The following RPS4Y1 variants were observed in gnomAD, a reference collection of about 807,000 sequenced individuals.
RPS4Y1 encodes the protein small ribosomal subunit protein eS4, Y isoform 1.
For synonymous variants in RPS4Y1, 23 were observed against 20.8 expected (o/e 1.10, Z -0.28); for missense variants, 30 against 60.9 (o/e 0.49, Z 1.69).
At chrY:2,864,325 CAGGGCTTTATTCT>C (rs2051165596) in intron 5 of RPS4Y1, among the ~76,000 whole-genome samples, 1 of 32,571 alleles carries the variant, frequency 3.1e-5, no homozygotes, top group South Asian at 6.9e-4. Flanking sequence ...AGTATTAAGA[CAGGGCTTTATTCT>C]CTGGCTTTGG....
At chrY:2,856,417 G>A in intron 5 of RPS4Y1, among the ~76,000 whole-genome samples, 2 of 33,794 alleles carry the variant, frequency 5.9e-5, no homozygotes, top group Admixed American at 2.6e-4. Context: ...AATTACAGGC[G>A]TGAGCCACCG....
chrY:2,848,621 T>C (rs2051154194), intron 4 of RPS4Y1, among the ~76,000 whole-genome samples: 2 of 33,373 alleles, frequency 6.0e-5, no homozygotes, highest in Admixed American at 5.4e-4. Context: ...GCAGGCATGT[T>C]GTAGTAGGTG....
chrY:2,845,793 G>T, intron 4 of RPS4Y1, 50 bp downstream of exon 4: 1 of 266,287 alleles, frequency 3.8e-6, no homozygotes, highest in Non-Finnish European at 6.1e-6. Context: ...CAGATAGGTC[G>T]GTTGCTAAGT....
intron 6 of RPS4Y1, among the ~76,000 whole-genome samples, chrY:2,865,916 C>T: frequency 6.0e-5 from 2 of 33,148 alleles, no homozygotes; most frequent in East Asian, 1.6e-3. Context: ...GAATTTTGCT[C>T]TGTTGCCCAG....
intron 5 of RPS4Y1, among the ~76,000 whole-genome samples, chrY:2,860,054 T>TA (rs2051162568): frequency 3.0e-5 from 1 of 33,082 alleles, no homozygotes; most frequent in African/African-American, 1.2e-4. Flanking sequence ...TTTCATGACT[T>TA]ACTTTCCAGT....
chrY:2,861,539 G>T, intron 5 of RPS4Y1, among the ~76,000 whole-genome samples: 1 of 29,534 alleles, frequency 3.4e-5, no homozygotes, highest in African/African-American at 1.3e-4. Flanking sequence ...CCTGTCTGTG[G>T]TACTATGGCC....
intron 4 of RPS4Y1, chrY:2,854,232 A>G (rs1603309117): frequency 8.8e-5 from 5 of 56,572 alleles, no homozygotes; most frequent in South Asian, 1.6e-4. Context: ...AGGACTATCA[A>G]TTGGAAATAT....
chrY:2,864,948 G>A, intron 5 of RPS4Y1, 140 bp from the exon 6 acceptor site: 1 of 162,575 alleles, frequency 6.2e-6, no homozygotes, highest in Non-Finnish European at 1.1e-5. Flanking sequence ...AGTGACAAGA[G>A]TTCTTGAAAT....
chrY:2,852,084 A>G, intron 4 of RPS4Y1, among the ~76,000 whole-genome samples: 1 of 33,226 alleles, frequency 3.0e-5, no homozygotes, highest in South Asian at 6.7e-4. Flanking sequence ...TTCTGCCACC[A>G]TTCACTCCCT....
intron 5 of RPS4Y1, among the ~76,000 whole-genome samples, chrY:2,857,491 C>A: frequency 5.9e-5 from 2 of 34,012 alleles, no homozygotes; most frequent in Admixed American, 2.6e-4. Flanking sequence ...TCTCCGCTCA[C>A]TGCAACCTCC....
intron 4 of RPS4Y1, among the ~76,000 whole-genome samples, chrY:2,853,691 GGTAA>G (rs2051157672): frequency 8.9e-5 from 3 of 33,717 alleles, no homozygotes; most frequent in African/African-American, 2.3e-4. Flanking sequence ...ACACCAGAGT[GGTAA>G]GTGTTAAACA....
chrY:2,866,139 C>G (rs747196495), intron 6 of RPS4Y1, among the ~76,000 whole-genome samples: 1 of 34,156 alleles, frequency 2.9e-5, no homozygotes, highest in Non-Finnish European at 7.3e-5. Flanking sequence ...AACTTGGCCT[C>G]CCAAAGTGCA....
chrY:2,857,962 C>T, intron 5 of RPS4Y1, among the ~76,000 whole-genome samples: 4 of 33,691 alleles, frequency 1.2e-4, no homozygotes, highest in African/African-American at 4.6e-4. Flanking sequence ...AACCATTGTG[C>T]GGTTTTTTTA....
At chrY:2,859,131 A>G in intron 5 of RPS4Y1, among the ~76,000 whole-genome samples, 4 of 33,243 alleles carry the variant, frequency 1.2e-4, no homozygotes, top group African/African-American at 2.4e-4. Flanking sequence ...TCAGCACTTC[A>G]CTTTCAGCCT....
chrY:2,860,273 A>G (rs2051162716), intron 5 of RPS4Y1, among the ~76,000 whole-genome samples: 1 of 32,928 alleles, frequency 3.0e-5, no homozygotes, highest in Non-Finnish European at 7.5e-5. Context: ...AAATCTGAAT[A>G]AGAAACATTG....
intron 5 of RPS4Y1, among the ~76,000 whole-genome samples, chrY:2,861,364 A>G: frequency 3.0e-5 from 1 of 32,802 alleles, no homozygotes; most frequent in Non-Finnish European, 7.4e-5. Context: ...TTTTCTAAAG[A>G]AAAACAGCCA....
chrY:2,849,223 C>T, intron 4 of RPS4Y1, among the ~76,000 whole-genome samples: 5 of 33,723 alleles, frequency 1.5e-4, no homozygotes, highest in Admixed American at 1.3e-3. Context: ...GCGTGGCTTA[C>T]ATATACCTAG....
At chrY:2,854,275 T>C in intron 4 of RPS4Y1, 1 of 67,808 alleles carries the variant, frequency 1.5e-5, no homozygotes, top group South Asian at 1.3e-4. Flanking sequence ...ACCAGTTGAT[T>C]GTGTGTTACC....
chrY:2,844,051 A>G (rs1309377324), intron 2 of RPS4Y1, 26 bp from the exon 3 acceptor site: 2 of 392,592 alleles, frequency 5.1e-6, no homozygotes, highest in South Asian at 5.9e-5. Flanking sequence ...TTCTTAGATT[A>G]GGTTACCTTT....
Sources: gnomAD v4.1 joint callset for allele counts (sites outside exome capture counted in the v4.1 genomes callset) on GRCh38, gnomAD v4.1.1 for gene constraint, MANE v1.5 for transcripts, NCBI Gene and HGNC (gene_info 2026-07-23, HGNC 2026-07-21) for gene names.